The following GLIS3 variants were observed in gnomAD, a reference collection of about 807,000 sequenced individuals.
GLIS3 encodes the protein GLIS family zinc finger 3.
A neutral mutation model predicts 78.6 loss-of-function variants in GLIS3; 53 were observed. That is an observed-to-expected ratio of 0.67 (90% CI 0.54 to 0.85). The LOEUF is 0.85. GLIS3 is among the 40% of genes least tolerant of loss of function. GLIS3 has a pLI of 0.00. For missense variants in GLIS3, 1,703 were observed against 1,231.1 expected (o/e 1.38, Z -5.74); for synonymous variants, 684 against 509.9 (o/e 1.34, Z -4.60).
chr9:4,202,960 A>C (rs750596593), intron 2 of GLIS3, among the ~76,000 whole-genome samples: 6 of 152,258 alleles, frequency 3.9e-5, no homozygotes, highest in African/African-American at 1.4e-4. Flanking sequence ...AACAAAAACA[A>C]AAGTTGACAA....
intron 4 of GLIS3, among the ~76,000 whole-genome samples, chr9:4,026,866 G>A (rs1823392625): frequency 6.6e-6 from 1 of 152,112 alleles, no homozygotes; most frequent in South Asian, 2.1e-4. Flanking sequence ...ATCCTTTCAA[G>A]GTCGTGTTAC....
At chr9:4,453,111 G>A in the GLIS3 span, among the ~76,000 whole-genome samples, 5 of 152,268 alleles carry the variant, frequency 3.3e-5, no homozygotes, top group East Asian at 9.6e-4. Context: ...CTAGCCATAT[G>A]TAGAAAGCTG....
At chr9:4,187,621 C>A (rs1040288440) in intron 2 of GLIS3, among the ~76,000 whole-genome samples, 1 of 152,184 alleles carries the variant, frequency 6.6e-6, no homozygotes, top group Non-Finnish European at 1.5e-5. Flanking sequence ...ATTCTTCCTA[C>A]CCATGAGCAT....
the GLIS3 span, among the ~76,000 whole-genome samples, chr9:4,363,601 G>A: frequency 6.6e-6 from 1 of 152,138 alleles, no homozygotes; most frequent in East Asian, 1.9e-4. Flanking sequence ...AGCAATAAGA[G>A]TCCTGTCCAA....
chr9:3,875,524 T>G (rs561752984), intron 8 of GLIS3: 280 of 152,284 alleles, frequency 1.8e-3, no homozygotes, highest in African/African-American at 6.3e-3. Flanking sequence ...TCGCAGAGTG[T>G]GATAAACCTA....
intron 2 of GLIS3, among the ~76,000 whole-genome samples, chr9:4,341,035 T>C (rs941555354): frequency 1.3e-5 from 2 of 152,234 alleles, no homozygotes; most frequent in African/African-American, 4.8e-5. Flanking sequence ...CATCCTTGAA[T>C]AGCCTCTGGA....
At chr9:4,020,959 C>A (rs568463253) in intron 4 of GLIS3, among the ~76,000 whole-genome samples, 1 of 152,138 alleles carries the variant, frequency 6.6e-6, no homozygotes, top group Non-Finnish European at 1.5e-5. Context: ...GACTTCTATG[C>A]GCTAGAGAAA....
chr9:4,088,411 T>C (rs922876229), intron 4 of GLIS3, among the ~76,000 whole-genome samples: 1 of 152,238 alleles, frequency 6.6e-6, no homozygotes, highest in African/African-American at 2.4e-5. Context: ...TCTCATTTGA[T>C]TAGTGCCCAC....
intron 4 of GLIS3, among the ~76,000 whole-genome samples, chr9:4,072,175 T>C (rs997989716): frequency 2.0e-5 from 3 of 152,234 alleles, no homozygotes; most frequent in Non-Finnish European, 4.4e-5. Context: ...CTTTCCTTTA[T>C]AGGATGGACT....
the GLIS3 span, among the ~76,000 whole-genome samples, chr9:4,477,501 A>G: frequency 1.3e-5 from 2 of 151,082 alleles, no homozygotes; most frequent in African/African-American, 2.4e-5. Flanking sequence ...TGCAGCCTCA[A>G]CCTCCCAGGC....
At chr9:4,164,247 C>G (rs908112586) in intron 2 of GLIS3, among the ~76,000 whole-genome samples, 1 of 152,184 alleles carries the variant, frequency 6.6e-6, no homozygotes, top group East Asian at 1.9e-4. Context: ...CTCAGGAAGG[C>G]AAACCCTGGG....
upstream of GLIS3, among the ~76,000 whole-genome samples, chr9:4,349,598 C>T (rs114048556): frequency 0.022 from 3,348 of 152,144 alleles, 127 homozygotes; most frequent in African/African-American, 0.076. Context: ...ATTGCATTTA[C>T]TTAGGGAAGG....
At chr9:4,127,840 A>C (rs564301281) in intron 2 of GLIS3, among the ~76,000 whole-genome samples, 62 of 152,236 alleles carry the variant, frequency 4.1e-4, no homozygotes, top group Non-Finnish European at 1.0e-4. Context: ...TTTCCTTTTC[A>C]GAAAAAAGGT....
At chr9:4,410,052 A>T in the GLIS3 span, among the ~76,000 whole-genome samples, 1 of 151,742 alleles carries the variant, frequency 6.6e-6, no homozygotes. Context: ...CTCACTGCAA[A>T]CTCTGCCTCC....
chr9:3,942,945 C>T (rs751991941), intron 4 of GLIS3, among the ~76,000 whole-genome samples: 1 of 151,842 alleles, frequency 6.6e-6, no homozygotes, highest in Non-Finnish European at 1.5e-5. Flanking sequence ...GGTAGTCTCA[C>T]ACCTTAGGTG....
At chr9:3,902,393 C>A (rs1823372266) in intron 6 of GLIS3, among the ~76,000 whole-genome samples, 1 of 152,168 alleles carries the variant, frequency 6.6e-6, no homozygotes, top group Non-Finnish European at 1.5e-5. Context: ...AAGGGTGAGG[C>A]AGGAGGCACA....
upstream of GLIS3, among the ~76,000 whole-genome samples, chr9:4,300,633 G>T (rs144516806): frequency 3.3e-5 from 5 of 152,122 alleles, no homozygotes; most frequent in East Asian, 9.7e-4. Flanking sequence ...AAGAATGGAG[G>T]TATATTCCCT....
chr9:4,407,510 G>T, the GLIS3 span, among the ~76,000 whole-genome samples: 3 of 152,198 alleles, frequency 2.0e-5, 1 homozygote, highest in South Asian at 6.2e-4. Context: ...AGCCGGGCGT[G>T]GTGGCGGGCG....
At chr9:4,241,363 A>G (rs1289861100) in intron 2 of GLIS3, among the ~76,000 whole-genome samples, 6 of 152,214 alleles carry the variant, frequency 3.9e-5, no homozygotes, top group Non-Finnish European at 7.3e-5. Context: ...ATATACAGTT[A>G]GATAGAAGAA....
Sources: gnomAD v4.1 joint callset for allele counts (sites outside exome capture counted in the v4.1 genomes callset) on GRCh38, gnomAD v4.1.1 for gene constraint, MANE v1.5 for transcripts, NCBI Gene and HGNC (gene_info 2026-07-23, HGNC 2026-07-21) for gene names.